Variants in PCDH17 observed in about 807,000 individuals in gnomAD.
PCDH17 encodes the protein protocadherin 17, also known as protocadherin-17.
In PCDH17, 21 loss-of-function variants were observed where a neutral mutation model predicts 67.7. The ratio of observed to expected loss-of-function variants is 0.31; its 90% CI spans 0.22 to 0.45. PCDH17 has a LOEUF of 0.45. Among genes scored for constraint, PCDH17 ranks in the 20% least tolerant of loss-of-function variants. The pLI is 1.00. For missense variants in PCDH17, 1,471 were observed against 1,564.8 expected, an observed-to-expected ratio of 0.94 and a Z score of 1.01; for synonymous variants, 701 against 656.7, an observed-to-expected ratio of 1.07 and a Z score of -1.03.
chr13:57,709,595 A>T (rs1593944603), intron 3 of PCDH17: 1 of 151,534 alleles, frequency 6.6e-6, no homozygotes, highest in East Asian at 1.9e-4. Context: ...ATAGAGAAGG[A>T]TTCATAATTC....
intron 3 of PCDH17, among the ~76,000 whole-genome samples, chr13:57,703,108 GAC>G (rs926651170): frequency 3.3e-5 from 5 of 152,080 alleles, no homozygotes; most frequent in African/African-American, 1.2e-4. Context: ...ACTTTTTAAT[GAC>G]ACATTGTTTT....
At chr13:57,683,294 A>G (rs1303872345) in intron 3 of PCDH17, among the ~76,000 whole-genome samples, 1 of 151,878 alleles carries the variant, frequency 6.6e-6, no homozygotes, top group South Asian at 2.1e-4. Flanking sequence ...AAGAACTTCC[A>G]TCAGGTTTTA....
Position 57,632,422 on chromosome 13 carries a change from A to G in PCDH17, c.-125A>G, listed in dbSNP as rs1445681882. Reference sequence around the variant, plus strand: ...TGCCGCAGCTCGGGTGCAGAGGGAAAAAAGGACCCATAGACTTGTGGCTCG... The same window carrying G: ...TGCCGCAGCTCGGGTGCAGAGGGAAGAAAGGACCCATAGACTTGTGGCTCG... On this transcript the variant is annotated 5_prime_UTR_variant, in exon 1 of 4. Coordinates refer to ENST00000377918, the MANE Select transcript of PCDH17 (RefSeq NM_001040429.3). 3.1e-6 allele frequency: 3 copies of G among 967,310 alleles called. No homozygotes were observed. The highest frequency in any genetic ancestry group is 4.6e-6 in the Non-Finnish European group (3 of 651,714). The allele number at this position is 967,310 out of a possible 1,614,324, so 59.9% of individuals were successfully genotyped here.
At chr13:57,716,992 G>T (rs1033875055) in intron 3 of PCDH17, among the ~76,000 whole-genome samples, 1 of 151,920 alleles carries the variant, frequency 6.6e-6, no homozygotes, top group African/African-American at 2.4e-5. Flanking sequence ...TATGCTGGTG[G>T]GACGTTTGAA....
intron 3 of PCDH17, among the ~76,000 whole-genome samples, chr13:57,707,025 TG>T (rs2138083488): frequency 6.6e-6 from 1 of 152,242 alleles, no homozygotes; most frequent in Non-Finnish European, 1.5e-5. Flanking sequence ...TTGTGGTTTT[TG>T]TTAAAGAAAT....
chr13:57,705,610 A>G (rs550327271), intron 3 of PCDH17, among the ~76,000 whole-genome samples: 1 of 152,310 alleles, frequency 6.6e-6, no homozygotes, highest in East Asian at 1.9e-4. Context: ...GTATATATGG[A>G]AATTTTAAGT....
At position 57,725,129 on chromosome 13, in the gene PCDH17, C is replaced by T; in HGVS notation, c.3315C>T (p.Ser1105=). Residue 1105 remains serine, a synonymous_variant, in exon 4 of 4, where the codon TCC becomes TCT. Transcript: ENST00000377918. The stretch of plus-strand genomic sequence containing the variant: ...CAAGGGTCTTTGCAGATGTGCATTC[C>T]AGAGCCAGCCGGGATTCCAGTGAGA... ...QMARVFADVH[S]RASRDSSEMG... is the part of the protein sequence containing the mutation. 6.2e-7 allele frequency: 1 copy of T among 1,614,108 alleles called. No homozygotes were observed. The highest frequency in any genetic ancestry group is 8.5e-7 in the Non-Finnish European group (1 of 1,180,008).
intron 3 of PCDH17, among the ~76,000 whole-genome samples, chr13:57,690,588 G>A (rs1955549657): frequency 6.6e-6 from 1 of 151,396 alleles, no homozygotes; most frequent in African/African-American, 2.4e-5. Flanking sequence ...ACCAAATTAT[G>A]CACCTGAAAC....
chr13:57,660,830 T>A (rs1456935430), intron 1 of PCDH17, among the ~76,000 whole-genome samples: 2 of 152,224 alleles, frequency 1.3e-5, no homozygotes, highest in Admixed American at 6.5e-5. Flanking sequence ...ATAAAGCTTT[T>A]GAGATTCATT....
Position 57,633,958 on chromosome 13 carries a change from G to T in PCDH17, c.1412G>T (p.Arg471Leu), listed in dbSNP as rs1156309225. Residue 471 changes from arginine (R) to leucine (L), a missense_variant, in exon 1 of 4, where the codon CGG (arginine) becomes CTG (leucine). Arg to Leu is a moderately radical substitution (Grantham distance 102). Transcript: ENST00000377918. The surrounding 1 kb of genome is among the most constrained non-coding windows in gnomAD (Gnocchi z 6.2). The stretch of plus-strand genomic sequence containing the variant: ...CTAGACGAGAACGACAACCCGCCTC[G>T]GTTCACCAAAGGGCTCTACGTGCTT... ...KILDENDNPP[R>L]FTKGLYVLQV... 1.2e-6 allele frequency: 2 copies of T among 1,613,544 alleles called. No individual in the cohort carries two copies. The highest frequency in any genetic ancestry group is 8.5e-7 in the Non-Finnish European group (1 of 1,180,022).
rs1327604697 is a variant in PCDH17 at position 57,633,093 on chromosome 13, G to C, written c.547G>C (p.Val183Leu). Residue 183 changes from valine (V) to leucine (L), a missense_variant, in exon 1 of 4, where the codon GTT becomes CTT. Around this residue, in one of 3 missense-constraint regions of PCDH17, gnomAD observed 1,163 missense variants for 1,230.0 expected, o/e 0.95. Coordinates refer to ENST00000377918, the MANE Select transcript of PCDH17 (RefSeq NM_001040429.3). This position sits in a 1 kb window ranked among gnomAD's most constrained non-coding sequence, Gnocchi z 6.2. ...CGATCACGGCCTCTTTGGACTGGACGTTAAGTCCCGCGGCGACGGCACCAA... is the reference window on the plus strand; with the variant it reads ...CGATCACGGCCTCTTTGGACTGGACCTTAAGTCCCGCGGCGACGGCACCAA... Reference protein sequence around the residue: ...RDDHGLFGLDVKSRGDGTKFP... With the variant: ...RDDHGLFGLDLKSRGDGTKFP... The C allele has an allele frequency of 6.2e-7, 1 of 1,613,434 alleles. No individual in the cohort carries two copies. The highest frequency in any genetic ancestry group is 8.5e-7 in the Non-Finnish European group (1 of 1,179,964).
intron 3 of PCDH17, among the ~76,000 whole-genome samples, chr13:57,708,253 G>A (rs1352725309): frequency 2.0e-5 from 3 of 151,962 alleles, no homozygotes; most frequent in African/African-American, 7.2e-5. Flanking sequence ...AAGCCTTATT[G>A]TTGGTACCAT....
intron 3 of PCDH17, among the ~76,000 whole-genome samples, chr13:57,690,864 C>T (rs534567288): frequency 6.6e-6 from 1 of 151,526 alleles, no homozygotes; most frequent in African/African-American, 2.4e-5. Context: ...TTGCATTACT[C>T]TAACTAGCTA....
At chr13:57,694,831 G>A (rs974140015) in intron 3 of PCDH17, among the ~76,000 whole-genome samples, 3 of 150,964 alleles carry the variant, frequency 2.0e-5, no homozygotes, top group African/African-American at 7.3e-5. Flanking sequence ...ATCGTATGTA[G>A]GCCATTGCCA....
intron 3 of PCDH17, among the ~76,000 whole-genome samples, chr13:57,668,981 T>A (rs1386558897): frequency 6.6e-6 from 1 of 152,004 alleles, no homozygotes; most frequent in Non-Finnish European, 1.5e-5. Context: ...CCTAATGCTA[T>A]CTCTCCCCGC....
intron 3 of PCDH17, among the ~76,000 whole-genome samples, chr13:57,694,894 C>T (rs1445783106): frequency 1.3e-5 from 2 of 151,034 alleles, no homozygotes; most frequent in Non-Finnish European, 3.0e-5. Flanking sequence ...GATGGCAACT[C>T]CTGTGTGTCC....
rs762700281 is a variant in PCDH17 at position 57,729,289 on chromosome 13, C to T, written c.*3995C>T. 3.3e-5 allele frequency: 5 copies of T among 151,990 alleles called. No homozygotes were observed. Among genetic ancestry groups the T allele is most frequent in the South Asian group, 2.1e-4 (1 of 4,820 alleles). The allele number at this position is 151,990 out of a possible 1,614,324, so 9.4% of individuals were successfully genotyped here. A position where few individuals can be genotyped will look rare whatever the true frequency, so the allele number is the denominator to read the frequency against. On this transcript the variant is annotated 3_prime_UTR_variant, in exon 4 of 4. Coordinates refer to ENST00000377918, the MANE Select transcript of PCDH17 (RefSeq NM_001040429.3). Reference sequence around the variant, plus strand: ...TGATCTATCTGGAAAATGAGGACTCCGAATAAAAAGCTATTACTAATAGTG... The same window carrying T: ...TGATCTATCTGGAAAATGAGGACTCTGAATAAAAAGCTATTACTAATAGTG...
In PCDH17 at chr13:57,725,322, T is replaced by A. The variant is rs761207395; in HGVS notation, c.*28T>A. ...AAAGAAAAAAAAAAAGGCATTGGCA[T>A]TTTCTTGTCTCTTCTGTTGATTTAA... On this transcript the variant is annotated 3_prime_UTR_variant, in exon 4 of 4. Coordinates refer to ENST00000377918, the MANE Select transcript of PCDH17 (RefSeq NM_001040429.3). 9.0e-6 allele frequency: 14 copies of A among 1,554,476 alleles called. No individual in the cohort carries two copies. In the African/African-American group the frequency reaches 1.9e-4, roughly 22 times the overall value.
chr13:57,718,944 C>T (rs1671373135), intron 3 of PCDH17, among the ~76,000 whole-genome samples: 1 of 151,958 alleles, frequency 6.6e-6, no homozygotes, highest in Admixed American at 6.6e-5. Flanking sequence ...GAACTGCCAG[C>T]CAAAGGTCTT....
Sources: allele counts gnomAD v4.1 joint callset (sites outside exome capture counted in the v4.1 genomes callset), GRCh38; gene constraint gnomAD v4.1.1; regional missense constraint gnomAD v4.1.1; non-coding constraint Gnocchi (gnomAD v3.1); transcripts MANE v1.5; gene names NCBI Gene and HGNC (gene_info 2026-07-23, HGNC 2026-07-21).